The following IL1RAPL2 variants were observed in gnomAD, a reference collection of about 807,000 sequenced individuals.
The protein encoded by IL1RAPL2 is interleukin 1 receptor accessory protein like 2, also known as X-linked interleukin-1 receptor accessory protein-like 2.
IL1RAPL2 carries 3 observed loss-of-function variants against 44.1 expected under a neutral mutation model. That is an observed-to-expected ratio of 0.07 (90% CI 0.03 to 0.18). The LOEUF (loss-of-function observed/expected upper bound fraction) is 0.18, where lower values mean the gene tolerates loss of function less well. Among genes scored for constraint, IL1RAPL2 ranks in the 10% least tolerant of loss-of-function variants. The pLI is 1.00. For missense variants in IL1RAPL2, 391 were observed against 496.4 expected (o/e 0.79, Z 2.02); for synonymous variants, 181 against 178.8 (o/e 1.01, Z -0.10).
chrX:105,531,037 G>A (rs1290171578), intron 6 of IL1RAPL2, among the ~76,000 whole-genome samples: 4 of 111,684 alleles, frequency 3.6e-5, no homozygotes, highest in African/African-American at 1.3e-4. Context: ...GCTGCAACAA[G>A]CACGGGAGTG....
chrX:105,417,182 A>G (rs2035739215), intron 5 of IL1RAPL2, among the ~76,000 whole-genome samples: 1 of 112,711 alleles, frequency 8.9e-6, no homozygotes, highest in Non-Finnish European at 1.9e-5. Context: ...TATAAGATTT[A>G]TATGAAGTAG....
intron 7 of IL1RAPL2, among the ~76,000 whole-genome samples, chrX:105,738,136 T>C (rs1050104870): frequency 5.4e-5 from 6 of 111,796 alleles, no homozygotes; most frequent in African/African-American, 1.9e-4. Context: ...CAATCTTAAA[T>C]GTCAGTAAAT....
intron 2 of IL1RAPL2, among the ~76,000 whole-genome samples, chrX:105,155,198 G>A (rs1291607003): frequency 9.0e-6 from 1 of 111,108 alleles, no homozygotes; most frequent in African/African-American, 3.3e-5. Flanking sequence ...CTCATCATCT[G>A]TTCCACTGAG....
intron 2 of IL1RAPL2, among the ~76,000 whole-genome samples, chrX:104,683,086 C>T (rs1930918404): frequency 9.0e-6 from 1 of 111,290 alleles, no homozygotes; most frequent in African/African-American, 3.3e-5. Flanking sequence ...CTGCTGTATA[C>T]CTAGCTTTCA....
chrX:105,703,744 A>G (rs1435794089), intron 6 of IL1RAPL2, among the ~76,000 whole-genome samples: 1 of 112,171 alleles, frequency 8.9e-6, no homozygotes, highest in African/African-American at 3.2e-5. Flanking sequence ...ATTCTTCTCC[A>G]TATGTCTTTT....
chrX:105,662,145 C>T (rs1024237090), intron 6 of IL1RAPL2, among the ~76,000 whole-genome samples: 11 of 112,373 alleles, frequency 9.8e-5, no homozygotes, highest in African/African-American at 3.2e-4. Flanking sequence ...TTTTCTTCTA[C>T]ACTCTTCCTA....
chrX:105,193,720 A>G (rs1451263153), intron 2 of IL1RAPL2, among the ~76,000 whole-genome samples: 1 of 112,201 alleles, frequency 8.9e-6, no homozygotes, highest in Non-Finnish European at 1.9e-5. Flanking sequence ...GTACATATTT[A>G]GTCTAAACCA....
At chrX:105,640,733 TATAG>T (rs1241407031) in intron 6 of IL1RAPL2, among the ~76,000 whole-genome samples, 3 of 82,088 alleles carry the variant, frequency 3.7e-5, no homozygotes, top group East Asian at 3.5e-4. Flanking sequence ...TATCTATATA[TATAG>T]ATATAGATAG....
intron 2 of IL1RAPL2, among the ~76,000 whole-genome samples, chrX:105,130,647 T>C (rs2033018114): frequency 9.0e-6 from 1 of 111,540 alleles, no homozygotes; most frequent in Non-Finnish European, 1.9e-5. Context: ...AGTTAAGTAG[T>C]GTGTTATACA....
At chrX:105,011,019 A>T (rs1423804010) in intron 2 of IL1RAPL2, among the ~76,000 whole-genome samples, 2 of 110,509 alleles carry the variant, frequency 1.8e-5, no homozygotes, top group Non-Finnish European at 3.8e-5. Flanking sequence ...CTTGAATGAA[A>T]GTTAGGGGTA....
At chrX:105,489,451 G>T (rs1443986374) in intron 6 of IL1RAPL2, among the ~76,000 whole-genome samples, 1 of 111,468 alleles carries the variant, frequency 9.0e-6, no homozygotes, top group Non-Finnish European at 1.9e-5. Flanking sequence ...ATTCATGCTA[G>T]ATAGACCCTT....
At chrX:105,040,280 T>G (rs1477470775) in intron 2 of IL1RAPL2, among the ~76,000 whole-genome samples, 1 of 111,735 alleles carries the variant, frequency 8.9e-6, no homozygotes, top group African/African-American at 3.3e-5. Context: ...GGATTCGGAT[T>G]GCCAGTATTT....
At chrX:105,567,769 G>T (rs191126141) in intron 6 of IL1RAPL2, among the ~76,000 whole-genome samples, 2 of 111,057 alleles carry the variant, frequency 1.8e-5, no homozygotes, top group East Asian at 5.7e-4. Context: ...AAAATTTACG[G>T]ACTTTATTAA....
chrX:104,663,331 C>A (rs1455343601), intron 2 of IL1RAPL2, among the ~76,000 whole-genome samples: 1 of 111,346 alleles, frequency 9.0e-6, no homozygotes, highest in Non-Finnish European at 1.9e-5. Context: ...AAGAAAATAA[C>A]TTCTTTTGTG....
At chrX:105,538,909 G>A (rs185861370) in intron 6 of IL1RAPL2, among the ~76,000 whole-genome samples, 106 of 110,926 alleles carry the variant, frequency 9.6e-4, no homozygotes, top group African/African-American at 3.4e-3. Flanking sequence ...TTGAAGTTGA[G>A]AGCCAAATCA....
rs531422783 is a variant in IL1RAPL2, at chrX:105,300,703, C to T, written c.697+33162C>T. 6.4e-4 allele frequency among the ~76,000 whole-genome samples: 71 copies of T among 111,015 alleles called. No homozygotes were observed. The Middle Eastern group carries it at 0.014, about 22-fold the overall frequency. ...GGTATAGGTTTCTGAGCCCCGACATCCCCTGTCTGAAACTTCCCTAGAAGT... is the reference window on the plus strand; with the variant it reads ...GGTATAGGTTTCTGAGCCCCGACATTCCCTGTCTGAAACTTCCCTAGAAGT... On this transcript the variant is annotated intron_variant, in intron 5 of 10. Transcript: ENST00000372582.
At chrX:105,184,576 G>A (rs2033566677) in intron 2 of IL1RAPL2, among the ~76,000 whole-genome samples, 1 of 108,701 alleles carries the variant, frequency 9.2e-6, no homozygotes, top group African/African-American at 3.3e-5. Flanking sequence ...GTAAAATATT[G>A]GAATATAAGT....
intron 6 of IL1RAPL2, among the ~76,000 whole-genome samples, chrX:105,577,167 C>G (rs2037056413): frequency 9.0e-6 from 1 of 111,269 alleles, no homozygotes; most frequent in Non-Finnish European, 1.9e-5. Flanking sequence ...ATTTCAGTAG[C>G]TGATAATGGA....
chrX:105,024,137 A>G (rs919914710), intron 2 of IL1RAPL2, among the ~76,000 whole-genome samples: 5 of 111,620 alleles, frequency 4.5e-5, no homozygotes, highest in Non-Finnish European at 9.5e-5. Flanking sequence ...ATATTTTACA[A>G]CATAAAGATC....
Sources: allele counts gnomAD v4.1 joint callset (sites outside exome capture counted in the v4.1 genomes callset), GRCh38; gene constraint gnomAD v4.1.1; transcripts MANE v1.5; gene names NCBI Gene and HGNC (gene_info 2026-07-23, HGNC 2026-07-21).